The following RALGAPA1 variants were observed in gnomAD, a reference collection of about 807,000 sequenced individuals.
The protein encoded by RALGAPA1 is ral GTPase-activating protein subunit alpha-1.
Under a neutral mutation model 269.6 loss-of-function variants are expected in RALGAPA1, and 52 were observed. The ratio of observed to expected loss-of-function variants is 0.19; its 90% confidence interval spans 0.15 to 0.24. RALGAPA1 has a LOEUF of 0.24. Among genes scored for constraint, RALGAPA1 ranks in the 10% least tolerant of loss-of-function variants. RALGAPA1 has a pLI of 1.00. For missense variants in RALGAPA1, 1,917 were observed against 3,013.9 expected (o/e 0.64, Z 8.52); for synonymous variants, 817 against 1,008.3 (o/e 0.81, Z 3.60).
intron 39 of RALGAPA1, among the ~76,000 whole-genome samples, chr14:35,565,962 T>C (rs774486753): frequency 1.3e-5 from 2 of 152,108 alleles, no homozygotes; most frequent in Middle Eastern, 6.8e-3. Context: ...AAAAAAACCA[T>C]GAACACTCTT....
chr14:35,645,598 G>A (rs1019477784), intron 31 of RALGAPA1, among the ~76,000 whole-genome samples: 2 of 151,898 alleles, frequency 1.3e-5, no homozygotes, highest in Non-Finnish European at 2.9e-5. Context: ...AGGCGTGGTG[G>A]CGGGCGCCTG....
intron 31 of RALGAPA1, among the ~76,000 whole-genome samples, chr14:35,644,243 A>G (rs1347613445): frequency 6.6e-6 from 1 of 152,238 alleles, no homozygotes; most frequent in Admixed American, 6.5e-5. Flanking sequence ...AAGGATTTCC[A>G]AGATACACTG....
At chr14:35,752,815 G>A (rs1270099690) in intron 7 of RALGAPA1, among the ~76,000 whole-genome samples, 1 of 152,162 alleles carries the variant, frequency 6.6e-6, no homozygotes, top group African/African-American at 2.4e-5. Context: ...GTGGCAACGG[G>A]AGATTGATTA....
chr14:35,730,291 G>C (rs1165348072), intron 12 of RALGAPA1, among the ~76,000 whole-genome samples: 1 of 152,128 alleles, frequency 6.6e-6, no homozygotes, highest in Non-Finnish European at 1.5e-5. Flanking sequence ...GGATCCTTTG[G>C]GAGGGTGGCC....
chr14:35,619,544 A>T (rs932051624), intron 35 of RALGAPA1, among the ~76,000 whole-genome samples: 12 of 152,166 alleles, frequency 7.9e-5, no homozygotes, highest in African/African-American at 2.9e-4. Context: ...CCCTTCAAAT[A>T]AATCAATGAA....
chr14:35,715,170 C>T (rs2140890104), intron 16 of RALGAPA1, among the ~76,000 whole-genome samples: 1 of 152,214 alleles, frequency 6.6e-6, no homozygotes, highest in South Asian at 2.1e-4. Context: ...TTCATTCTCT[C>T]CTTCTGGTAT....
rs112876795 is a variant in RALGAPA1 at position 35,577,359 on chromosome 14, G to T, written c.7210-4641C>A. ...GAACTCTGGGAGGTGATTATGTTAT[G>T]CGGGCTCCTTTATAAGGGATTAATG... On this transcript the variant is annotated intron_variant, in intron 37 of 41. Coordinates refer to ENST00000680220, the MANE Select transcript of RALGAPA1 (RefSeq NM_001346249.2). Among the ~76,000 whole-genome samples the T allele has an allele frequency of 4.2e-4, 64 of 152,030 alleles. 1 individual carries two copies. The highest frequency in any genetic ancestry group is 1.4e-3 in the African/African-American group (56 of 41,456).
At chr14:35,759,173 A>T (rs966461642) in intron 6 of RALGAPA1, among the ~76,000 whole-genome samples, 1 of 152,238 alleles carries the variant, frequency 6.6e-6, no homozygotes, top group Non-Finnish European at 1.5e-5. Flanking sequence ...AGCCTATTTG[A>T]ACTGGTTCAT....
intron 41 of RALGAPA1, chr14:35,542,118 C>G: frequency 1.5e-6 from 1 of 680,856 alleles, no homozygotes; most frequent in Non-Finnish European, 2.2e-6. Context: ...AAAGTGTTCA[C>G]TGTACTGTTG....
At chr14:35,651,979 C>A in intron 30 of RALGAPA1, 106 bp from the exon 31 acceptor site, 1 of 801,252 alleles carries the variant, frequency 1.2e-6, no homozygotes, top group Non-Finnish European at 1.9e-6. Context: ...CCTACTACTG[C>A]AAATTTATTC....
intron 6 of RALGAPA1, among the ~76,000 whole-genome samples, chr14:35,760,362 C>T (rs748433305): frequency 3.9e-5 from 6 of 152,190 alleles, no homozygotes; most frequent in Non-Finnish European, 7.3e-5. Context: ...CTCCTCCACA[C>T]TCACATTCAG....
chr14:35,686,682 TAACTA>T lies in RALGAPA1; in HGVS notation c.3953-21_3953-17del. ...TCTTTATTGACTAAAAATAAATAAA[TAACTA>T]TATATAGTGAGGAAAAACTTAACTG... On this transcript the variant is annotated splice_polypyrimidine_tract_variant and intron_variant, in intron 18 of 41. Transcript: ENST00000680220. 7 of 1,466,886 alleles carry T rather than the reference TAACTA, an allele frequency of 4.8e-6. No homozygotes were observed. The highest frequency in any genetic ancestry group is 1.4e-5 in the African/African-American group (1 of 69,666). The allele number at this position is 1,466,886 out of a possible 1,614,324, so 90.9% of individuals were successfully genotyped here.
intron 35 of RALGAPA1, among the ~76,000 whole-genome samples, chr14:35,617,003 C>G (rs1182155739): frequency 6.6e-6 from 1 of 152,018 alleles, no homozygotes; most frequent in East Asian, 1.9e-4. Context: ...ATAAGAATAG[C>G]TAAACAATAA....
At chr14:35,570,805 C>T in intron 38 of RALGAPA1, 61 bp from the exon 39 acceptor site, 1 of 1,462,442 alleles carries the variant, frequency 6.8e-7, no homozygotes. Flanking sequence ...TAAATAAGAG[C>T]AATCAAGACA....
intron 36 of RALGAPA1, among the ~76,000 whole-genome samples, chr14:35,600,231 T>TCTTTC: frequency 7.5e-6 from 1 of 132,550 alleles, no homozygotes; most frequent in East Asian, 2.1e-4. Flanking sequence ...TTTCTTTTTT[T>TCTTTC]CTTTTTTTTT....
At chr14:35,741,054 G>A (rs546476424) in intron 11 of RALGAPA1, among the ~76,000 whole-genome samples, 95 of 152,202 alleles carry the variant, frequency 6.2e-4, no homozygotes, top group African/African-American at 2.2e-3. Context: ...CTTGAGTAAC[G>A]AATAGAACAA....
intron 10 of RALGAPA1, among the ~76,000 whole-genome samples, chr14:35,748,103 T>C (rs2072299338): frequency 6.6e-6 from 1 of 151,942 alleles, no homozygotes; most frequent in South Asian, 2.1e-4. Flanking sequence ...TTTCAATCTA[T>C]AATGAGTAAT....
Position 35,742,489 on chromosome 14 carries a change from T to C in RALGAPA1, c.1328A>G (p.Glu443Gly), listed in dbSNP as rs760214742. The C allele has an allele frequency of 3.1e-6, 5 of 1,600,040 alleles. No homozygotes were observed. The South Asian group carries it at 4.4e-5, about 14-fold the overall frequency. The change falls in exon 11 of 42, where the codon GAG becomes GGG. Residue 443 changes from glutamate to glycine, a missense_variant. This residue lies in a region of RALGAPA1 where 462 missense variants were observed against 725.6 expected (regional missense o/e 0.64). Coordinates refer to ENST00000680220, the MANE Select transcript of RALGAPA1 (RefSeq NM_001346249.2). ...VKVYQEWIQQEEKPLFMQEPE... is the reference protein window; with the variant it reads ...VKVYQEWIQQGEKPLFMQEPE... ...CTCTTGCATGAACAAAGGTTTTTCC[T>C]CTTGTTGGATCCATTCTTGATATAC...
At chr14:35,760,535 T>C (rs1396306880) in intron 6 of RALGAPA1, among the ~76,000 whole-genome samples, 6 of 152,232 alleles carry the variant, frequency 3.9e-5, no homozygotes, top group Admixed American at 3.9e-4. Flanking sequence ...ATAAAGACTC[T>C]TGCCCATGTT....
Sources: gnomAD v4.1 joint callset for allele counts (sites outside exome capture counted in the v4.1 genomes callset) on GRCh38, gnomAD v4.1.1 for gene constraint, gnomAD v4.1.1 regional missense constraint, MANE v1.5 for transcripts, NCBI Gene and HGNC (gene_info 2026-07-23, HGNC 2026-07-21) for gene names.